The following KIF26B variants were observed in gnomAD, a reference collection of about 807,000 sequenced individuals.
The protein encoded by KIF26B is kinesin-like protein KIF26B.
Under a neutral mutation model 151.2 loss-of-function variants are expected in KIF26B, and 63 were observed. The observed-to-expected ratio is 0.42, with a 90% CI of 0.34 to 0.51. The LOEUF is 0.51. KIF26B is among the 20% of genes least tolerant of loss of function. The pLI is 0.07. For synonymous variants in KIF26B, 1,357 were observed against 1,262.1 expected (o/e 1.08, Z -1.59); for missense variants, 2,813 against 2,913.6 (o/e 0.97, Z 0.79).
At chr1:245,670,316 C>T (rs1467041851) in intron 10 of KIF26B, among the ~76,000 whole-genome samples, 8 of 146,450 alleles carry the variant, frequency 5.5e-5, no homozygotes, top group African/African-American at 1.5e-4. Context: ...TCTAGTGTTA[C>T]CAACTTAGTT....
intron 2 of KIF26B, among the ~76,000 whole-genome samples, chr1:245,255,828 A>G (rs770309770): frequency 1.3e-5 from 2 of 152,170 alleles, no homozygotes; most frequent in Non-Finnish European, 2.9e-5. Context: ...GGTACCACTA[A>G]TGTATTCTTA....
At chr1:245,638,842 A>C (rs2043859338) in intron 9 of KIF26B, among the ~76,000 whole-genome samples, 1 of 151,824 alleles carries the variant, frequency 6.6e-6, no homozygotes, top group Non-Finnish European at 1.5e-5. Flanking sequence ...ATCCTACTTG[A>C]TTATGGTGAA....
At chr1:245,243,141 T>C (rs1220806869) in intron 2 of KIF26B, among the ~76,000 whole-genome samples, 3 of 152,206 alleles carry the variant, frequency 2.0e-5, no homozygotes, top group African/African-American at 7.2e-5. Context: ...TTACAACTTA[T>C]CACCAAATTG....
intron 12 of KIF26B, among the ~76,000 whole-genome samples, chr1:245,695,527 A>T (rs2044681416): frequency 6.6e-6 from 1 of 152,182 alleles, no homozygotes; most frequent in South Asian, 2.1e-4. Context: ...ACGAAAATCC[A>T]AGACACTTGT....
chr1:245,271,904 T>C (rs1038508157), intron 2 of KIF26B, among the ~76,000 whole-genome samples: 1 of 152,192 alleles, frequency 6.6e-6, no homozygotes, highest in African/African-American at 2.4e-5. Flanking sequence ...TCTTCATTTT[T>C]TAAGGAGAGT....
intron 3 of KIF26B, among the ~76,000 whole-genome samples, chr1:245,387,002 G>T (rs1673562738): frequency 6.6e-6 from 1 of 152,138 alleles, no homozygotes; most frequent in Non-Finnish European, 1.5e-5. Flanking sequence ...AGAGATGAAG[G>T]CCAGATACGA....
intron 5 of KIF26B, among the ~76,000 whole-genome samples, chr1:245,575,707 G>C (rs2043111902): frequency 1.3e-5 from 2 of 152,200 alleles, no homozygotes; most frequent in African/African-American, 4.8e-5. Context: ...GGGAAATGAA[G>C]ATTTAAAATC....
At chr1:245,492,812 G>T (rs1161033663) in intron 4 of KIF26B, among the ~76,000 whole-genome samples, 1 of 152,108 alleles carries the variant, frequency 6.6e-6, no homozygotes, top group East Asian at 1.9e-4. Context: ...ATGGAGTCTT[G>T]CTCTGTCGCC....
At chr1:245,246,045 T>A (rs1670323713) in intron 2 of KIF26B, among the ~76,000 whole-genome samples, 1 of 149,604 alleles carries the variant, frequency 6.7e-6, no homozygotes, top group Non-Finnish European at 1.5e-5. Context: ...TGAGCCGAGA[T>A]CGTGCCACTG....
chr1:245,155,566 G>A, intron 1 of KIF26B, 79 bp downstream of exon 1: 2 of 1,278,372 alleles, frequency 1.6e-6, no homozygotes, highest in East Asian at 2.6e-5. Context: ...GGGATCGTGC[G>A]GCCCCGGCCC....
intron 2 of KIF26B, among the ~76,000 whole-genome samples, chr1:245,203,360 T>C (rs10802198): frequency 0.53 from 80,843 of 152,054 alleles, 23,065 homozygotes; most frequent in Non-Finnish European, 0.64. Flanking sequence ...AGAATGTTTT[T>C]GGATTCACAG....
chr1:245,688,129 ACCTCGCCCCCCAGCTCCGGGG>A lies in KIF26B; in HGVS notation c.5155_5175del (p.Pro1719_Pro1725del). ...GAGGAGCCTGGGCCGCAGCGCCGGG[ACCTCGCCCCCCAGCTCCGGGG>A]CCTCGCCCAAGGCCGGCCAGTCCAA... On this transcript the variant is annotated inframe_deletion, in exon 12 of 15. Coordinates refer to ENST00000407071, the MANE Select transcript of KIF26B (RefSeq NM_018012.4). 2 of 1,582,794 alleles carry A rather than the reference ACCTCGCCCCCCAGCTCCGGGG, an allele frequency of 1.3e-6. No individual in the cohort carries two copies. The highest frequency in any genetic ancestry group is 1.7e-6 in the Non-Finnish European group (2 of 1,170,582).
Position 245,606,207 on chromosome 1 carries a change from G to A in KIF26B, c.1558-1444G>A, listed in dbSNP as rs1341215758. ...GGAGGAGCCCCCCGCCCCCCGCAGA[G>A]TTGCTGGGGACCACCCTGGAACAAG... On this transcript the variant is annotated intron_variant, in intron 6 of 14. Coordinates refer to ENST00000407071, the MANE Select transcript of KIF26B (RefSeq NM_018012.4). The surrounding 1 kb of genome is among the most constrained non-coding windows in gnomAD (Gnocchi z 4.6). Among the ~76,000 whole-genome samples, 1 of 152,152 alleles carries A rather than the reference G, an allele frequency of 6.6e-6. No individual in the cohort carries two copies. The highest frequency in any genetic ancestry group is 2.4e-5 in the African/African-American group (1 of 41,446).
At chr1:245,619,511 T>C (rs1010897390) in intron 9 of KIF26B, among the ~76,000 whole-genome samples, 1 of 151,312 alleles carries the variant, frequency 6.6e-6, no homozygotes, top group African/African-American at 2.4e-5. Context: ...GGCAGGAGAA[T>C]TGCTTGAACT....
At chr1:245,406,165 A>T (rs1171466891) in intron 3 of KIF26B, among the ~76,000 whole-genome samples, 1 of 152,148 alleles carries the variant, frequency 6.6e-6, no homozygotes, top group African/African-American at 2.4e-5. Context: ...TCCTATGTGC[A>T]GTCTCACACG....
At chr1:245,189,150 G>A (rs1005040428) in intron 2 of KIF26B, among the ~76,000 whole-genome samples, 1 of 152,176 alleles carries the variant, frequency 6.6e-6, no homozygotes, top group South Asian at 2.1e-4. Context: ...CAATGTGAAC[G>A]TACTGAATGC....
At chr1:245,605,661 T>TG (rs1165267828) in intron 6 of KIF26B, among the ~76,000 whole-genome samples, 1 of 152,060 alleles carries the variant, frequency 6.6e-6, no homozygotes, top group East Asian at 1.9e-4. Context: ...GCCCTTCCCA[T>TG]GGGGGCTGTG....
intron 4 of KIF26B, among the ~76,000 whole-genome samples, chr1:245,526,874 C>A (rs933261581): frequency 3.9e-5 from 6 of 152,332 alleles, no homozygotes; most frequent in African/African-American, 1.4e-4. Context: ...AGCTCTACTT[C>A]TTTTCAAAAT....
At chr1:245,473,837 G>A (rs1659969397) in intron 4 of KIF26B, among the ~76,000 whole-genome samples, 1 of 151,818 alleles carries the variant, frequency 6.6e-6, no homozygotes, top group Admixed American at 6.5e-5. Flanking sequence ...AAGGGCCAGG[G>A]GCCCGTCAGT....
Sources: gnomAD v4.1 joint callset for allele counts (sites outside exome capture counted in the v4.1 genomes callset) on GRCh38, gnomAD v4.1.1 for gene constraint, Gnocchi (gnomAD v3.1) non-coding constraint, MANE v1.5 for transcripts, NCBI Gene and HGNC (gene_info 2026-07-23, HGNC 2026-07-21) for gene names.